The following ASTN2 variants were observed in gnomAD, a reference collection of about 807,000 sequenced individuals.
ASTN2 encodes astrotactin-2.
ASTN2 carries 54 observed loss-of-function variants against 139.8 expected under a neutral mutation model. The ratio of observed to expected loss-of-function variants is 0.39; its 90% CI spans 0.31 to 0.48. ASTN2 has a LOEUF of 0.48. Ranked by LOEUF, ASTN2 falls within the 20% of genes least tolerant of loss-of-function variation. The probability of loss-of-function intolerance (pLI) is 0.95; values close to 1 mark genes in which losing one functional copy is unlikely to be tolerated. For missense variants in ASTN2, 1,565 were observed against 1,725.1 expected (o/e 0.91, Z 1.64); for synonymous variants, 756 against 719.5 (o/e 1.05, Z -0.81).
chr9:116,609,146 G>A (rs1321404005), intron 19 of ASTN2, among the ~76,000 whole-genome samples: 1 of 151,592 alleles, frequency 6.6e-6, no homozygotes, highest in Non-Finnish European at 1.5e-5. Flanking sequence ...AAAAATGGCG[G>A]GAGATTTTTT....
intron 7 of ASTN2, among the ~76,000 whole-genome samples, chr9:116,992,182 A>T (rs1836879318): frequency 6.6e-6 from 1 of 152,136 alleles, no homozygotes; most frequent in Admixed American, 6.5e-5. Flanking sequence ...AGAGGAAGAA[A>T]ATTAAGCACC....
intron 19 of ASTN2, among the ~76,000 whole-genome samples, chr9:116,492,441 C>A (rs888375211): frequency 2.0e-5 from 3 of 152,124 alleles, no homozygotes; most frequent in African/African-American, 7.2e-5. Context: ...TTAAAGATAT[C>A]TTTTCATCCA....
At chr9:116,503,117 G>A (rs1849956889) in intron 19 of ASTN2, among the ~76,000 whole-genome samples, 1 of 150,778 alleles carries the variant, frequency 6.6e-6, no homozygotes, top group Non-Finnish European at 1.5e-5. Flanking sequence ...AAAAAGGAAG[G>A]AGAAAGGAAA....
At chr9:116,882,050 G>T (rs1227246883) in intron 10 of ASTN2, among the ~76,000 whole-genome samples, 1 of 152,090 alleles carries the variant, frequency 6.6e-6, no homozygotes, top group Admixed American at 6.6e-5. Context: ...AACAATAAAA[G>T]AATTATCCAT....
At chr9:117,071,444 GA>G (rs1332656862) in intron 5 of ASTN2, among the ~76,000 whole-genome samples, 2 of 151,304 alleles carry the variant, frequency 1.3e-5, no homozygotes, top group African/African-American at 2.4e-5. Context: ...TAAGTCTGCA[GA>G]GGTTACTGCT....
intron 5 of ASTN2, among the ~76,000 whole-genome samples, chr9:117,060,453 AAAGAAAGG>A (rs1297906727): frequency 1.1e-5 from 1 of 93,356 alleles, no homozygotes; most frequent in African/African-American, 5.6e-5. Flanking sequence ...AGAAAGAAAG[AAAGAAAGG>A]AAGGAAGGAA....
At chr9:116,621,442 C>T (rs1256412893) in intron 17 of ASTN2, among the ~76,000 whole-genome samples, 1 of 41,488 alleles carries the variant, frequency 2.4e-5, no homozygotes, top group Non-Finnish European at 5.1e-5. Flanking sequence ...CACATGCACG[C>T]ACACACACAC....
chr9:116,936,643 T>C (rs1024647779), intron 10 of ASTN2, among the ~76,000 whole-genome samples: 2 of 152,168 alleles, frequency 1.3e-5, no homozygotes, highest in African/African-American at 4.8e-5. Context: ...GAGACATTTC[T>C]CTCTTCCAGG....
At chr9:117,381,429 T>A (rs1308812910) in intron 1 of ASTN2, among the ~76,000 whole-genome samples, 1 of 152,122 alleles carries the variant, frequency 6.6e-6, no homozygotes, top group East Asian at 1.9e-4. Flanking sequence ...GGTCACAGAA[T>A]CATGGGGGTG....
chr9:116,793,354 G>A (rs965618118), intron 13 of ASTN2, among the ~76,000 whole-genome samples: 2 of 152,140 alleles, frequency 1.3e-5, no homozygotes, highest in East Asian at 1.9e-4. Context: ...CAGCAGGAAC[G>A]GGGGACACAG....
chr9:116,597,542 G>A (rs1031623430), intron 19 of ASTN2, among the ~76,000 whole-genome samples: 4 of 151,680 alleles, frequency 2.6e-5, no homozygotes, highest in East Asian at 1.9e-4. Flanking sequence ...AGCCCACCTC[G>A]GCCTCCCAAA....
intron 19 of ASTN2, among the ~76,000 whole-genome samples, chr9:116,523,938 C>T (rs940863831): frequency 6.6e-6 from 1 of 152,152 alleles, no homozygotes; most frequent in African/African-American, 2.4e-5. Flanking sequence ...TCAGGGGTTA[C>T]AGATGCATGG....
At chr9:116,853,278 C>CA (rs1032196882) in intron 11 of ASTN2, among the ~76,000 whole-genome samples, 12 of 151,512 alleles carry the variant, frequency 7.9e-5, no homozygotes, top group South Asian at 2.1e-4. Flanking sequence ...TTTAGAAAAC[C>CA]AAAAAAAATT....
chr9:117,072,510 G>A (rs951603616), intron 5 of ASTN2, among the ~76,000 whole-genome samples: 3 of 152,208 alleles, frequency 2.0e-5, no homozygotes, highest in African/African-American at 7.2e-5. Flanking sequence ...CATGGGGAGA[G>A]GAAGAGATGA....
chr9:117,056,764 C>G (rs553949578), intron 5 of ASTN2, among the ~76,000 whole-genome samples: 1 of 152,218 alleles, frequency 6.6e-6, no homozygotes, highest in South Asian at 2.1e-4. Flanking sequence ...TACAATCAGA[C>G]AAATAAAGTT....
At position 116,423,567 on chromosome 9, in the gene ASTN2, T is replaced by C. The variant is rs890975351; in HGVS notation, c.*2284A>G. 6.6e-6 allele frequency among the ~76,000 whole-genome samples: 1 copy of C among 152,208 alleles called. No individual in the cohort carries two copies. The highest frequency in any genetic ancestry group is 1.5e-5 in the Non-Finnish European group (1 of 68,030). On this transcript the variant is annotated 3_prime_UTR_variant, in exon 23 of 23. Coordinates refer to ENST00000313400, the MANE Select transcript of ASTN2 (RefSeq NM_001365068.1). ...AACTTGGGACCCAGGCCCAGCAAAC[T>C]GATAGCTCTCTGAAGGCCCATGTAT...
chr9:117,286,356 T>TTC (rs1054651321), intron 2 of ASTN2, among the ~76,000 whole-genome samples: 1 of 148,004 alleles, frequency 6.8e-6, no homozygotes, highest in Non-Finnish European at 1.5e-5. Context: ...CCCACTTTCT[T>TTC]TTTTTTTTTT....
At chr9:117,130,888 C>A (rs1314426454) in intron 4 of ASTN2, among the ~76,000 whole-genome samples, 1 of 152,222 alleles carries the variant, frequency 6.6e-6, no homozygotes, top group Admixed American at 6.5e-5. Context: ...TTCCCCTTCT[C>A]CCTGAGCACC....
chr9:117,141,344 G>A lies in ASTN2; in HGVS notation c.1150C>T (p.Arg384Trp), dbSNP rs148576743. Residue 384 changes from arginine (R) to tryptophan (W), a missense_variant, in exon 4 of 23, where the codon CGG (arginine) becomes TGG (tryptophan). Coordinates refer to ENST00000313400, the MANE Select transcript of ASTN2 (RefSeq NM_001365068.1). ...LRSTSAGKRK[R>W]RSKSRGGISF... ...GGCCTACCTCGAGACTTGCTCCTCC[G>A]CTTCCTCTTCCCTGCCGATGTGCTG... 144 of 1,367,162 alleles carry A rather than the reference G, an allele frequency of 1.1e-4. 1 individual carries two copies. The highest frequency in any genetic ancestry group is 4.1e-4 in the East Asian group (9 of 21,942). 84.7% of individuals were successfully genotyped at this position (1,367,162 alleles called of 1,614,324 possible).
Sources: gnomAD v4.1 joint callset for allele counts (sites outside exome capture counted in the v4.1 genomes callset) on GRCh38, gnomAD v4.1.1 for gene constraint, MANE v1.5 for transcripts, NCBI Gene and HGNC (gene_info 2026-07-23, HGNC 2026-07-21) for gene names.